The following DDX60L variants were observed in gnomAD, a reference collection of about 807,000 sequenced individuals.
DDX60L encodes the protein DExD/H-box 60 like, also known as probable ATP-dependent RNA helicase DDX60-like.
A neutral mutation model predicts 211.6 loss-of-function variants in DDX60L; 191 were observed. The observed-to-expected ratio is 0.90, with a 90% CI of 0.80 to 1.02. The LOEUF (loss-of-function observed/expected upper bound fraction) is 1.02. Ranked by LOEUF, DDX60L falls within the 50% of genes least tolerant of loss-of-function variation. The pLI, the probability that DDX60L is intolerant of heterozygous loss-of-function variation, is 0.00. For missense variants in DDX60L, 2,007 were observed against 1,984.1 expected (o/e 1.01, Z -0.22); for synonymous variants, 706 against 694.1 (o/e 1.02, Z -0.27).
rs1188172152 is a variant in DDX60L at position 168,389,265 on chromosome 4, T to A, written c.3915+2275A>T. Among the ~76,000 whole-genome samples the A allele has an allele frequency of 4.6e-5, 7 of 152,182 alleles. No individual in the cohort carries two copies. In the East Asian group the frequency reaches 5.8e-4, roughly 13 times the overall value. On this transcript the variant is annotated intron_variant, in intron 29 of 37. Coordinates refer to ENST00000682922, the MANE Select transcript of DDX60L (RefSeq NM_001012967.3). ...CAGGTCATGACATGTATTTGACTCATAATAAATGCCATTTGAGGGAATATA... is the reference window on the plus strand; with the variant it reads ...CAGGTCATGACATGTATTTGACTCAAAATAAATGCCATTTGAGGGAATATA...
Position 168,395,990 on chromosome 4 carries a change from A to T in DDX60L, c.3626T>A (p.Leu1209Gln). Residue 1209 changes from leucine (L) to glutamine (Q), a missense_variant, in exon 27 of 38, where the codon CTA (leucine) becomes CAA (glutamine). Coordinates refer to ENST00000682922, the MANE Select transcript of DDX60L (RefSeq NM_001012967.3). Reference protein sequence around the residue: ...EDCTYADVKALHTEITRNKDS... With the variant: ...EDCTYADVKAQHTEITRNKDS... ...TTTATTCCTGGTAATTTCAGTGTGT[A>T]GGGCTTTGACATCAGCATACGTGCA... 6.2e-7 allele frequency: 1 copy of T among 1,607,790 alleles called. No individual in the cohort carries two copies. Among genetic ancestry groups the T allele is most frequent in the Non-Finnish European group, 8.5e-7 (1 of 1,177,270 alleles).
intron 4 of DDX60L, 99 bp downstream of exon 4, chr4:168,471,648 A>G: frequency 2.1e-6 from 2 of 938,760 alleles, no homozygotes; most frequent in Non-Finnish European, 3.1e-6. Context: ...TATATTTTCT[A>G]TGATGACATG....
intron 37 of DDX60L, among the ~76,000 whole-genome samples, chr4:168,359,519 C>T (rs945939923): frequency 6.6e-6 from 1 of 152,176 alleles, no homozygotes; most frequent in African/African-American, 2.4e-5. Flanking sequence ...TTTCTACCAC[C>T]ACTGCCTAAT....
Position 168,471,791 on chromosome 4 carries a change from C to A in DDX60L, c.220G>T (p.Asp74Tyr). ...FFYLVECYLV[D>Y]LLSNGGQFTI... ...AATTGTCCTCCGTTACTCAGAAGAT[C>A]CACAAGATAGCATTCAACCAGATAG... is the stretch of plus-strand genomic sequence containing the variant. Residue 74 changes from aspartate (D) to tyrosine (Y), a missense_variant, in exon 4 of 38, where the codon GAT becomes TAT. By Grantham distance (160) the Asp-to-Tyr change is radical. Transcript: ENST00000682922. 1 of 1,611,522 alleles carries A rather than the reference C, an allele frequency of 6.2e-7. No individual in the cohort carries two copies. Among genetic ancestry groups the A allele is most frequent in the Non-Finnish European group, 8.5e-7 (1 of 1,179,382 alleles).
At chr4:168,455,953 A>T in intron 7 of DDX60L, 86 bp downstream of exon 7, 1 of 903,264 alleles carries the variant, frequency 1.1e-6, no homozygotes, top group South Asian at 1.7e-5. Context: ...TCCACAGTGG[A>T]GAACCTGATG....
chr4:168,471,228 C>G (rs1278619109), intron 4 of DDX60L, among the ~76,000 whole-genome samples: 2 of 151,960 alleles, frequency 1.3e-5, no homozygotes, highest in African/African-American at 4.8e-5. Flanking sequence ...GAAACGTACC[C>G]CCAAAATAAA....
At chr4:168,406,250 G>C (rs1747728629) in intron 23 of DDX60L, among the ~76,000 whole-genome samples, 172 bp from the exon 24 acceptor site, 1 of 152,148 alleles carries the variant, frequency 6.6e-6, no homozygotes, top group African/African-American at 2.4e-5. Context: ...ATAAACCTAT[G>C]ATGATGGGTG....
At chr4:168,400,145 C>T (rs1369398103) in intron 26 of DDX60L, among the ~76,000 whole-genome samples, 1 of 152,156 alleles carries the variant, frequency 6.6e-6, no homozygotes, top group Non-Finnish European at 1.5e-5. Context: ...CATTAGTTTG[C>T]TAAGAATAAT....
At chr4:168,401,500 C>T (rs773533453) in intron 25 of DDX60L, among the ~76,000 whole-genome samples, 6 of 152,242 alleles carry the variant, frequency 3.9e-5, no homozygotes, top group Admixed American at 1.3e-4. Context: ...AGCCCTTGGG[C>T]ACATGTTCTC....
chr4:168,370,256 C>A (rs1312693751), intron 36 of DDX60L, among the ~76,000 whole-genome samples: 1 of 152,022 alleles, frequency 6.6e-6, no homozygotes, highest in Non-Finnish European at 1.5e-5. Flanking sequence ...GGAATGAAAT[C>A]CTGTCATTTG....
rs752775079 is a variant in DDX60L at position 168,472,689 on chromosome 4, G to A, written c.4+7C>T. ...ATAGGCTACAAATATCAAAGATTGA[G>A]AATTACCCATCGTTGCTGCTTCTTG... On this transcript the variant is annotated splice_region_variant and intron_variant, in intron 2 of 37. Coordinates refer to ENST00000682922, the MANE Select transcript of DDX60L (RefSeq NM_001012967.3). 1 of 1,613,378 alleles carries A rather than the reference G, an allele frequency of 6.2e-7. No homozygotes were observed. Among genetic ancestry groups the A allele is most frequent in the Non-Finnish European group, 8.5e-7 (1 of 1,179,628 alleles).
At chr4:168,394,259 C>A (rs1258730696) in intron 28 of DDX60L, among the ~76,000 whole-genome samples, 1 of 151,526 alleles carries the variant, frequency 6.6e-6, no homozygotes, top group Non-Finnish European at 1.5e-5. Context: ...TATACTACTC[C>A]ATTATAAATA....
At chr4:168,451,891 C>T (rs771133259) in intron 8 of DDX60L, among the ~76,000 whole-genome samples, 2 of 152,176 alleles carry the variant, frequency 1.3e-5, no homozygotes, top group Non-Finnish European at 2.9e-5. Context: ...TCCCTTCCCC[C>T]ACTAACTACT....
At chr4:168,388,933 G>A (rs1744345540) in intron 29 of DDX60L, among the ~76,000 whole-genome samples, 1 of 152,164 alleles carries the variant, frequency 6.6e-6, no homozygotes. Flanking sequence ...CTGATAACTA[G>A]AGCAATCCCA....
chr4:168,361,981 C>T (rs1739188716), intron 36 of DDX60L, among the ~76,000 whole-genome samples: 1 of 152,230 alleles, frequency 6.6e-6, no homozygotes, highest in African/African-American at 2.4e-5. Flanking sequence ...TATCATTTCA[C>T]ATCCAAAGCT....
At chr4:168,369,802 C>T (rs563848857) in intron 36 of DDX60L, among the ~76,000 whole-genome samples, 1 of 152,206 alleles carries the variant, frequency 6.6e-6, no homozygotes, top group African/African-American at 2.4e-5. Context: ...AAAAGGCCAA[C>T]AGGTATATGA....
intron 22 of DDX60L, among the ~76,000 whole-genome samples, chr4:168,411,618 G>T (rs1286088701): frequency 4.6e-5 from 7 of 152,124 alleles, no homozygotes; most frequent in South Asian, 2.1e-4. Context: ...CGTCACTGGG[G>T]GTTAAAGTGC....
At chr4:168,406,524 C>G (rs1397571583) in intron 23 of DDX60L, 78 bp downstream of exon 23, 1 of 996,612 alleles carries the variant, frequency 1.0e-6, no homozygotes, top group African/African-American at 1.6e-5. Context: ...AGTGTGCTTA[C>G]CTGTAGAGTA....
chr4:168,411,550 C>T (rs540275495), intron 22 of DDX60L, among the ~76,000 whole-genome samples: 1 of 152,280 alleles, frequency 6.6e-6, no homozygotes, highest in African/African-American at 2.4e-5. Context: ...AGGAGAACTG[C>T]CCATCCCAGC....
Sources: gnomAD v4.1 joint callset for allele counts (sites outside exome capture counted in the v4.1 genomes callset) on GRCh38, gnomAD v4.1.1 for gene constraint, MANE v1.5 for transcripts, NCBI Gene and HGNC (gene_info 2026-07-23, HGNC 2026-07-21) for gene names.